CTDSPL: variants seen among roughly 807,000 people sequenced by gnomAD.
CTDSPL encodes the protein CTD small phosphatase-like protein.
Under a neutral mutation model 30.5 loss-of-function variants are expected in CTDSPL, and 8 were observed. The observed-to-expected ratio is 0.26, with a 90% CI of 0.15 to 0.47. The LOEUF is 0.47. Among genes scored for constraint, CTDSPL ranks in the 20% least tolerant of loss-of-function variants. The pLI is 0.99. For synonymous variants in CTDSPL, 110 were observed against 137.9 expected (o/e 0.80, Z 1.42); for missense variants, 248 against 366.1 (o/e 0.68, Z 2.63).
chr3:37,912,538 C>T (rs961895814), intron 1 of CTDSPL, among the ~76,000 whole-genome samples: 1 of 152,158 alleles, frequency 6.6e-6, no homozygotes, highest in Non-Finnish European at 1.5e-5. Flanking sequence ...GTGATGCTAG[C>T]CGAGGCCAGC....
intron 1 of CTDSPL, among the ~76,000 whole-genome samples, chr3:37,930,554 C>T (rs376685072): frequency 1.3e-5 from 2 of 152,298 alleles, no homozygotes; most frequent in East Asian, 3.9e-4. Context: ...AAGCAATCCT[C>T]TCACTTCAGC....
At chr3:37,936,577 G>A (rs1035287542) in intron 1 of CTDSPL, among the ~76,000 whole-genome samples, 1 of 148,536 alleles carries the variant, frequency 6.7e-6, no homozygotes, top group Non-Finnish European at 1.5e-5. Flanking sequence ...AGAGATTACG[G>A]CCCAATTCTC....
Position 37,975,514 on chromosome 3 carries a change from G to A in CTDSPL, c.520-195G>A, listed in dbSNP as rs1316127457. On this transcript the variant is annotated intron_variant, in intron 6 of 7. Transcript: ENST00000273179. This position sits in a 1 kb window ranked among gnomAD's most constrained non-coding sequence, Gnocchi z 4.9. ...TTTGGAGATGAAACTGACAATTCCT[G>A]ATGGTTGGATGTGAGAGAAATGGAA... Among the ~76,000 whole-genome samples, 4 of 152,232 alleles carry A rather than the reference G, an allele frequency of 2.6e-5. No homozygotes were observed. Among genetic ancestry groups the A allele is most frequent in the African/African-American group, 9.6e-5 (4 of 41,456 alleles).
chr3:37,942,033 A>G (rs1698984759), intron 1 of CTDSPL, among the ~76,000 whole-genome samples: 1 of 150,204 alleles, frequency 6.7e-6, no homozygotes, highest in Non-Finnish European at 1.5e-5. Flanking sequence ...ACTTGAAAGC[A>G]TTGTTCTTTT....
At chr3:37,891,419 C>T (rs1698323901) in intron 1 of CTDSPL, among the ~76,000 whole-genome samples, 1 of 152,184 alleles carries the variant, frequency 6.6e-6, no homozygotes, top group Non-Finnish European at 1.5e-5. Context: ...AAGGGCCCTT[C>T]TACTCCTACG....
chr3:37,948,413 C>A lies in CTDSPL; in HGVS notation c.234+1202C>A, dbSNP rs141696661. The stretch of plus-strand genomic sequence containing the variant: ...GTCAAAATGGAATTTCAGGAAAAAT[C>A]ACTGAAAGAAGATTATTCATTATGA... On this transcript the variant is annotated intron_variant, in intron 2 of 7. Coordinates refer to ENST00000273179, the MANE Select transcript of CTDSPL (RefSeq NM_001008392.2). Among the ~76,000 whole-genome samples, 948 of 152,236 alleles carry A rather than the reference C, an allele frequency of 6.2e-3. 2 individuals carry two copies. Among genetic ancestry groups the A allele is most frequent in the Middle Eastern group, 0.014 (4 of 294 alleles).
At chr3:37,977,938 G>A (rs1024209176) in intron 7 of CTDSPL, among the ~76,000 whole-genome samples, 1 of 152,042 alleles carries the variant, frequency 6.6e-6, no homozygotes, top group Non-Finnish European at 1.5e-5. Flanking sequence ...GGTATTATAC[G>A]CTTATGAAGA....
rs190902248 is a variant in CTDSPL, at chr3:37,943,853, G to A, written c.80-3204G>A. On this transcript the variant is annotated intron_variant, in intron 1 of 7. Transcript: ENST00000273179. ...GCCAGATGAGAAAGCCAGCAGGAGC[G>A]TTCTACTGGGAAAAGGACACTTCTT... 9.8e-4 allele frequency among the ~76,000 whole-genome samples: 147 copies of A among 150,450 alleles called. 9 individuals are homozygous for A. The highest frequency in any genetic ancestry group is 1.8e-3 in the Non-Finnish European group (120 of 67,074).
chr3:37,874,599 A>G (rs1056467938), intron 1 of CTDSPL, among the ~76,000 whole-genome samples: 1 of 152,148 alleles, frequency 6.6e-6, no homozygotes, highest in Non-Finnish European at 1.5e-5. Flanking sequence ...GCGTGGTGGC[A>G]CGCACTGGTA....
chr3:37,958,716 T>C (rs1699203022), intron 3 of CTDSPL, among the ~76,000 whole-genome samples: 1 of 152,226 alleles, frequency 6.6e-6, no homozygotes, highest in South Asian at 2.1e-4. Flanking sequence ...ATCAATAAAC[T>C]GCTGACTGTG....
chr3:37,982,881 C>A lies in CTDSPL; in HGVS notation c.*2014C>A. ...TGTCTGTCATGTGTTGATATCCACACAGAATTAGGCCCTAATGAGAGCCTT... is the reference window on the plus strand; with the variant it reads ...TGTCTGTCATGTGTTGATATCCACAAAGAATTAGGCCCTAATGAGAGCCTT... On this transcript the variant is annotated 3_prime_UTR_variant, in exon 8 of 8. Transcript: ENST00000273179. 2.9e-6 allele frequency: 1 copy of A among 339,848 alleles called. No individual in the cohort carries two copies. Among genetic ancestry groups the A allele is most frequent in the Non-Finnish European group, 5.8e-6 (1 of 171,200 alleles). The allele number at this position is 339,848 out of a possible 1,614,324, so 21.1% of individuals were successfully genotyped here. A position where few individuals can be genotyped will look rare whatever the true frequency, so the allele number is the denominator to read the frequency against.
intron 1 of CTDSPL, among the ~76,000 whole-genome samples, chr3:37,871,090 TC>T (rs1347852936): frequency 2.6e-5 from 4 of 152,158 alleles, no homozygotes; most frequent in Non-Finnish European, 5.9e-5. Context: ...GCCCTAAACA[TC>T]CTCTGTGCTC....
intron 1 of CTDSPL, among the ~76,000 whole-genome samples, chr3:37,890,478 A>G (rs1442134547): frequency 3.3e-5 from 5 of 152,236 alleles, no homozygotes; most frequent in Non-Finnish European, 7.3e-5. Context: ...TATTTGGTTA[A>G]AAAAAGCTAA....
At position 37,927,680 on chromosome 3, in the gene CTDSPL, A is replaced by ATG. The variant is rs1304302514; in HGVS notation, c.80-19373_80-19372dup. Reference sequence around the variant, plus strand: ...TGTGTGTGTGTGTGTGTGTGTGTGTATGTGTATATATATATATATATATAT... The same window carrying ATG: ...TGTGTGTGTGTGTGTGTGTGTGTGTATGTGTGTATATATATATATATATATAT... On this transcript the variant is annotated intron_variant, in intron 1 of 7. Transcript: ENST00000273179. Among the ~76,000 whole-genome samples the ATG allele has an allele frequency of 1.6e-3, 125 of 79,330 alleles. 1 individual carries two copies. The highest frequency in any genetic ancestry group is 2.8e-3 in the South Asian group (6 of 2,134). 52.0% of individuals were successfully genotyped at this position (79,330 alleles called of 152,430 possible).
At chr3:37,919,980 G>A (rs1698694828) in intron 1 of CTDSPL, among the ~76,000 whole-genome samples, 1 of 152,076 alleles carries the variant, frequency 6.6e-6, no homozygotes, top group Non-Finnish European at 1.5e-5. Flanking sequence ...TCTGATGGGG[G>A]CTTGTATTTG....
At chr3:37,923,134 G>T (rs1329804448) in intron 1 of CTDSPL, among the ~76,000 whole-genome samples, 5 of 152,220 alleles carry the variant, frequency 3.3e-5, no homozygotes, top group African/African-American at 1.2e-4. Flanking sequence ...TCAGACTGTT[G>T]CAAAGGTTCT....
chr3:37,980,208 C>G (rs2125637125), intron 7 of CTDSPL, among the ~76,000 whole-genome samples: 1 of 152,286 alleles, frequency 6.6e-6, no homozygotes, highest in African/African-American at 2.4e-5. Context: ...TCAGAATGTT[C>G]TGCAATTTTA....
intron 1 of CTDSPL, among the ~76,000 whole-genome samples, chr3:37,932,560 C>T (rs543757053): frequency 6.6e-6 from 1 of 152,236 alleles, no homozygotes; most frequent in South Asian, 2.1e-4. Context: ...GACCAAAATG[C>T]ACAAAAGAGA....
intron 1 of CTDSPL, among the ~76,000 whole-genome samples, chr3:37,888,555 A>G (rs1256800153): frequency 6.6e-6 from 1 of 152,182 alleles, no homozygotes; most frequent in Non-Finnish European, 1.5e-5. Flanking sequence ...GTCCGTGAGC[A>G]CTCAGCAAGT....
Sources: gnomAD v4.1 joint callset for allele counts (sites outside exome capture counted in the v4.1 genomes callset) on GRCh38, gnomAD v4.1.1 for gene constraint, Gnocchi (gnomAD v3.1) non-coding constraint, MANE v1.5 for transcripts, NCBI Gene and HGNC (gene_info 2026-07-23, HGNC 2026-07-21) for gene names.